Variants in GPHN observed in about 807,000 individuals in gnomAD.
GPHN encodes gephyrin.
A neutral mutation model predicts 95.5 loss-of-function variants in GPHN; 17 were observed. That is an observed-to-expected ratio of 0.18 (90% CI 0.12 to 0.27). The LOEUF is 0.27. GPHN is among the 10% of genes least tolerant of loss of function. The pLI is 1.00. For missense variants in GPHN, 660 were observed against 978.1 expected (o/e 0.67, Z 4.34); for synonymous variants, 320 against 322.5 (o/e 0.99, Z 0.08).
intron 1 of GPHN, among the ~76,000 whole-genome samples, chr14:66,585,878 GGA>G (rs1470935660): frequency 6.6e-6 from 1 of 152,124 alleles, no homozygotes; most frequent in African/African-American, 2.4e-5. Context: ...GATTTGGGGT[GGA>G]GAGTTCTGTA....
At chr14:67,732,059 G>A in the GPHN span, among the ~76,000 whole-genome samples, 10 of 150,778 alleles carry the variant, frequency 6.6e-5, no homozygotes, top group Non-Finnish European at 1.3e-4. Flanking sequence ...CCTGGGAGGC[G>A]GAGGCTGCAG....
At chr14:67,653,578 G>T in the GPHN span, 1 of 1,252,958 alleles carries the variant, frequency 8.0e-7, no homozygotes, top group Non-Finnish European at 1.1e-6. Context: ...TTAACAGTAG[G>T]CATTAAGGGA....
At chr14:67,311,666 T>G in the GPHN span, among the ~76,000 whole-genome samples, 1 of 152,202 alleles carries the variant, frequency 6.6e-6, no homozygotes, top group Admixed American at 6.5e-5. Context: ...AGAAATGGCA[T>G]ACAGAATAGC....
intron 8 of GPHN, among the ~76,000 whole-genome samples, chr14:66,927,776 T>C (rs1053299842): frequency 2.2e-4 from 34 of 152,232 alleles, no homozygotes; most frequent in African/African-American, 7.7e-4. Flanking sequence ...AAATGCTTTT[T>C]CAGCATCAAG....
chr14:66,740,655 T>C (rs1168902259), intron 2 of GPHN, among the ~76,000 whole-genome samples: 1 of 152,182 alleles, frequency 6.6e-6, no homozygotes, highest in Non-Finnish European at 1.5e-5. Context: ...GGTAAGTGCT[T>C]ATCATATTTT....
chr14:66,620,498 G>C (rs2063245242), intron 1 of GPHN, among the ~76,000 whole-genome samples: 1 of 152,038 alleles, frequency 6.6e-6, no homozygotes. Flanking sequence ...AAAACCATCA[G>C]ACCTCATGAG....
chr14:66,669,142 T>G (rs1230627178), intron 1 of GPHN, among the ~76,000 whole-genome samples: 1 of 152,050 alleles, frequency 6.6e-6, no homozygotes, highest in Non-Finnish European at 1.5e-5. Flanking sequence ...GACGGGTGGA[T>G]CAGCTGAGGT....
At chr14:66,628,593 C>T (rs2063610381) in intron 1 of GPHN, among the ~76,000 whole-genome samples, 1 of 152,008 alleles carries the variant, frequency 6.6e-6, no homozygotes, top group South Asian at 2.1e-4. Flanking sequence ...CTTTACCATA[C>T]ACCACTGTAG....
chr14:67,273,967 T>C, the GPHN span, among the ~76,000 whole-genome samples: 1 of 152,112 alleles, frequency 6.6e-6, no homozygotes, highest in South Asian at 2.1e-4. Flanking sequence ...TTTGATGGGG[T>C]TGTTTGATTT....
chr14:67,308,546 C>CTTTTTTT, the GPHN span, among the ~76,000 whole-genome samples: 2 of 131,836 alleles, frequency 1.5e-5, no homozygotes, highest in Admixed American at 7.9e-5. Flanking sequence ...TTTTCTTTTT[C>CTTTTTTT]TTTTTTTTTT....
chr14:66,776,560 A>G (rs969306778), intron 3 of GPHN, 39 bp downstream of exon 3: 4 of 1,183,658 alleles, frequency 3.4e-6, no homozygotes, highest in Non-Finnish European at 5.1e-6. Flanking sequence ...AACATTTAGC[A>G]TCTTGGTGAG....
At chr14:67,478,649 G>A in the GPHN span, among the ~76,000 whole-genome samples, 5 of 152,276 alleles carry the variant, frequency 3.3e-5, no homozygotes, top group Admixed American at 3.3e-4. Context: ...TTCACAACTC[G>A]TCCCTGCCTC....
chr14:67,654,656 A>C, the GPHN span, among the ~76,000 whole-genome samples: 4 of 152,118 alleles, frequency 2.6e-5, no homozygotes, highest in Non-Finnish European at 5.9e-5. Context: ...TCCTGTCCAA[A>C]TCTTGGCCAC....
At chr14:67,494,830 G>C in the GPHN span, among the ~76,000 whole-genome samples, 1 of 152,200 alleles carries the variant, frequency 6.6e-6, no homozygotes, top group East Asian at 1.9e-4. Flanking sequence ...AAACAGAAGT[G>C]GCCAGATGCA....
chr14:66,979,178 A>T lies in GPHN; in HGVS notation c.963+13853A>T, dbSNP rs536349497. Among the ~76,000 whole-genome samples, 3 of 152,328 alleles carry T rather than the reference A, an allele frequency of 2.0e-5. No homozygotes were observed. In the East Asian group the frequency reaches 5.8e-4, roughly 29 times the overall value. On this transcript the variant is annotated intron_variant, in intron 9 of 22. Coordinates refer to ENST00000478722, the MANE Select transcript of GPHN (RefSeq NM_020806.5). ...GAATGGTCACTAATCATCGGCTTCC[A>T]CTTAAAGTCAGCAGCTGCATTATTC...
At chr14:67,415,388 T>C in the GPHN span, among the ~76,000 whole-genome samples, 1 of 152,188 alleles carries the variant, frequency 6.6e-6, no homozygotes, top group Non-Finnish European at 1.5e-5. Flanking sequence ...CCCATGTAGG[T>C]TGAATTTCCT....
At chr14:66,757,481 C>G (rs2058604833) in intron 2 of GPHN, among the ~76,000 whole-genome samples, 1 of 152,172 alleles carries the variant, frequency 6.6e-6, no homozygotes, top group African/African-American at 2.4e-5. Context: ...CCTCCACCTC[C>G]TGGGTTCAAG....
intron 8 of GPHN, among the ~76,000 whole-genome samples, chr14:66,949,187 C>T (rs1384268486): frequency 6.6e-6 from 1 of 152,104 alleles, no homozygotes; most frequent in African/African-American, 2.4e-5. Flanking sequence ...TGGGTTCAAG[C>T]GATTCTCTTG....
rs1288214874 is a variant in GPHN, at chr14:66,880,638, G to GA, written c.389+613dup. ...AATAGCTATGTTGATGTGTTGTTGT[G>GA]AAAAAAAAGAAGCTCAATTCATATT... On this transcript the variant is annotated intron_variant, in intron 5 of 22. Coordinates refer to ENST00000478722, the MANE Select transcript of GPHN (RefSeq NM_020806.5). Among the ~76,000 whole-genome samples, 6 of 151,190 alleles carry GA rather than the reference G, an allele frequency of 4.0e-5. No individual in the cohort carries two copies. The South Asian group carries it at 8.3e-4, about 21-fold the overall frequency.
Sources: gnomAD v4.1 joint callset for allele counts (sites outside exome capture counted in the v4.1 genomes callset) on GRCh38, gnomAD v4.1.1 for gene constraint, MANE v1.5 for transcripts, NCBI Gene and HGNC (gene_info 2026-07-23, HGNC 2026-07-21) for gene names.